The following MGAT4C variants were observed in gnomAD, a reference collection of about 807,000 sequenced individuals.
MGAT4C encodes MGAT4 family member C, also known as alpha-1,3-mannosyl-glycoprotein 4-beta-N-acetylglucosaminyltransferase C.
MGAT4C carries 19 observed loss-of-function variants against 40.1 expected under a neutral mutation model. The observed-to-expected ratio is 0.47, with a 90% CI of 0.33 to 0.70. The LOEUF (loss-of-function observed/expected upper bound fraction) is 0.70, where lower values mean the gene tolerates loss of function less well. Ranked by LOEUF, MGAT4C falls within the 30% of genes least tolerant of loss-of-function variation. The pLI is 0.02. For synonymous variants in MGAT4C, 181 were observed against 187.1 expected, an observed-to-expected ratio of 0.97 and a Z score of 0.27; for missense variants, 491 against 563.2, an observed-to-expected ratio of 0.87 and a Z score of 1.30.
At chr12:86,774,334 TCTTTCTGTCTCTCTCTCTCCC>T (rs1951706578) in intron 1 of MGAT4C, among the ~76,000 whole-genome samples, 2 of 109,680 alleles carry the variant, frequency 1.8e-5, no homozygotes, top group Non-Finnish European at 3.8e-5. Context: ...TTTCTTTCTT[TCTTTCTGTCTCTCTCTCTCCC>T]CTCTCTCTCT....
chr12:86,816,451 T>A (rs1017164381), intron 1 of MGAT4C, among the ~76,000 whole-genome samples: 1 of 151,772 alleles, frequency 6.6e-6, no homozygotes, highest in African/African-American at 2.4e-5. Flanking sequence ...GGTTTCAAAT[T>A]TTTTTAAAAA....
At chr12:86,288,043 T>C (rs991164712) in intron 4 of MGAT4C, among the ~76,000 whole-genome samples, 1 of 152,232 alleles carries the variant, frequency 6.6e-6, no homozygotes, top group Non-Finnish European at 1.5e-5. Context: ...ATCACTATTC[T>C]AACTGGCATG....
At chr12:86,756,271 A>G (rs1282474076) in intron 1 of MGAT4C, among the ~76,000 whole-genome samples, 1 of 152,150 alleles carries the variant, frequency 6.6e-6, no homozygotes, top group African/African-American at 2.4e-5. Flanking sequence ...GAGAGAGAGC[A>G]GGATAAAGTT....
rs866908319 is a variant in MGAT4C, at chr12:86,771,720, G to A, written c.-261-44479C>T. 1.7e-4 allele frequency among the ~76,000 whole-genome samples: 22 copies of A among 131,802 alleles called. No individual in the cohort carries two copies. In the South Asian group the frequency reaches 5.1e-3, roughly 31 times the overall value. The allele number at this position is 131,802 out of a possible 152,430, so 86.5% of individuals were successfully genotyped here. A position where few individuals can be genotyped will look rare whatever the true frequency, so the allele number is the denominator to read the frequency against. On this transcript the variant is annotated intron_variant, in intron 1 of 7. Coordinates refer to the MGAT4C transcript ENST00000548651. ...TGTGTGTGTGTGTGTGTGTGTGTGTGTGTATGTGTGTGTGTATGAATATTG... is the reference window on the plus strand; with the variant it reads ...TGTGTGTGTGTGTGTGTGTGTGTGTATGTATGTGTGTGTGTATGAATATTG...
intron 1 of MGAT4C, among the ~76,000 whole-genome samples, chr12:86,109,092 A>C (rs1448454162): frequency 1.3e-5 from 2 of 152,190 alleles, no homozygotes; most frequent in African/African-American, 4.8e-5. Flanking sequence ...TGGGATTTAA[A>C]TCAGCACTAT....
chr12:86,018,899 A>G (rs1037996957), intron 2 of MGAT4C, among the ~76,000 whole-genome samples: 1 of 152,158 alleles, frequency 6.6e-6, no homozygotes, highest in Non-Finnish European at 1.5e-5. Context: ...CAGAAATAAT[A>G]AAACTTGAGA....
chr12:86,182,701 T>C (rs960050462), intron 1 of MGAT4C, among the ~76,000 whole-genome samples: 2 of 152,164 alleles, frequency 1.3e-5, no homozygotes, highest in Admixed American at 6.6e-5. Context: ...CAAAAGTCAA[T>C]GATAGCTTAG....
chr12:86,718,699 T>C (rs1026525076), intron 2 of MGAT4C, among the ~76,000 whole-genome samples: 2 of 152,072 alleles, frequency 1.3e-5, no homozygotes, highest in African/African-American at 4.8e-5. Flanking sequence ...TCACCTCCTG[T>C]CAGATCAGCG....
intron 3 of MGAT4C, among the ~76,000 whole-genome samples, chr12:86,350,598 TAAAAG>T (rs1264684826): frequency 6.6e-6 from 1 of 152,076 alleles, no homozygotes; most frequent in Non-Finnish European, 1.5e-5. Flanking sequence ...CACTTATGCA[TAAAAG>T]AAAAAAGAAC....
intron 2 of MGAT4C, among the ~76,000 whole-genome samples, chr12:86,628,397 A>G (rs1219062486): frequency 2.6e-5 from 4 of 152,124 alleles, no homozygotes; most frequent in Admixed American, 6.6e-5. Context: ...TACAGAGAAC[A>G]CCACAAAGAT....
chr12:86,236,100 T>C (rs951731969), intron 1 of MGAT4C, among the ~76,000 whole-genome samples: 14 of 152,078 alleles, frequency 9.2e-5, no homozygotes, highest in Non-Finnish European at 1.9e-4. Flanking sequence ...GATATCCTAC[T>C]GACATCACAG....
chr12:85,957,095 G>A lies in MGAT4C; in HGVS notation c.*22194C>T, dbSNP rs535175048. ...AGCTTTAAAAATATGTTATTATTTT[G>A]TTATTATCTATATTTCCTCATAGCA... On this transcript the variant is annotated 3_prime_UTR_variant, in exon 5 of 5. Coordinates refer to ENST00000611864, the MANE Select transcript of MGAT4C (RefSeq NM_001351288.2). 1 of 152,178 alleles carries A rather than the reference G, an allele frequency of 6.6e-6. No individual in the cohort carries two copies. The highest frequency in any genetic ancestry group is 1.9e-4 in the East Asian group (1 of 5,176). The allele number at this position is 152,178 out of a possible 1,614,324, so 9.4% of individuals were successfully genotyped here.
At chr12:86,589,762 C>A (rs10776991) in intron 2 of MGAT4C, among the ~76,000 whole-genome samples, 129,229 of 151,850 alleles carry the variant, frequency 0.85, 55,528 homozygotes, top group South Asian at 0.96. Flanking sequence ...ACGCAAATCA[C>A]TAAGTGTACT....
chr12:86,282,386 T>C (rs1307777275), intron 4 of MGAT4C, among the ~76,000 whole-genome samples: 1 of 152,112 alleles, frequency 6.6e-6, no homozygotes, highest in South Asian at 2.1e-4. Flanking sequence ...TTTTTGGTTT[T>C]GAATATTGGA....
intron 1 of MGAT4C, among the ~76,000 whole-genome samples, chr12:86,192,339 A>G (rs1228423361): frequency 6.6e-6 from 1 of 152,156 alleles, no homozygotes; most frequent in Non-Finnish European, 1.5e-5. Context: ...AGAGTGGGAC[A>G]TATTTTGATC....
chr12:86,188,880 A>G (rs1889063990), intron 1 of MGAT4C, among the ~76,000 whole-genome samples: 1 of 151,988 alleles, frequency 6.6e-6, no homozygotes, highest in East Asian at 1.9e-4. Flanking sequence ...TAAATTTAGT[A>G]AATGCTACAT....
chr12:86,776,462 C>T (rs1951750337), intron 1 of MGAT4C, among the ~76,000 whole-genome samples: 1 of 151,380 alleles, frequency 6.6e-6, no homozygotes, highest in South Asian at 2.1e-4. Flanking sequence ...ATCATGTTAC[C>T]CTTCAACTTT....
At chr12:86,116,688 G>A (rs550789655) in intron 1 of MGAT4C, among the ~76,000 whole-genome samples, 1 of 152,170 alleles carries the variant, frequency 6.6e-6, no homozygotes, top group South Asian at 2.1e-4. Context: ...ATAAGTATCT[G>A]TCAGTCAAGT....
intron 3 of MGAT4C, among the ~76,000 whole-genome samples, chr12:86,340,907 G>A (rs1238482747): frequency 6.6e-6 from 1 of 152,126 alleles, no homozygotes; most frequent in Non-Finnish European, 1.5e-5. Flanking sequence ...TAACCTGGTT[G>A]ATTTTAAGTT....
Sources: allele counts gnomAD v4.1 joint callset (sites outside exome capture counted in the v4.1 genomes callset), GRCh38; gene constraint gnomAD v4.1.1; transcripts MANE v1.5; gene names NCBI Gene and HGNC (gene_info 2026-07-23, HGNC 2026-07-21).